Variants in SPTBN2 observed in about 807,000 individuals in gnomAD.
The protein encoded by SPTBN2 is spectrin beta, non-erythrocytic 2.
A neutral mutation model predicts 284.2 loss-of-function variants in SPTBN2; 107 were observed. The ratio of observed to expected loss-of-function variants is 0.38; its 90% CI spans 0.32 to 0.44. SPTBN2 has a LOEUF of 0.44. SPTBN2 is among the 20% of genes least tolerant of loss of function. The probability of loss-of-function intolerance (pLI) is 1.00; values close to 1 mark genes in which losing one functional copy is unlikely to be tolerated. For missense variants in SPTBN2, 2,569 were observed against 3,287.1 expected (o/e 0.78, Z 5.34); for synonymous variants, 1,289 against 1,354.8 (o/e 0.95, Z 1.07).
chr11:66,727,782 G>A (rs1458578370), intron 1 of SPTBN2, among the ~76,000 whole-genome samples: 1 of 151,518 alleles, frequency 6.6e-6, no homozygotes, highest in Non-Finnish European at 1.5e-5. Flanking sequence ...AGAGGCGGCC[G>A]AGCGCGCCCC....
chr11:66,688,460 G>T, intron 31 of SPTBN2, 149 bp from the exon 32 acceptor site: 1 of 1,519,036 alleles, frequency 6.6e-7, no homozygotes, highest in Non-Finnish European at 8.8e-7. Context: ...AAGAAACAAA[G>T]CGGGAGAAGG....
In SPTBN2 at chr11:66,687,784, C is replaced by T. The variant is rs773628721; in HGVS notation, c.6501+84G>A. The T allele has an allele frequency of 1.2e-4, 188 of 1,597,898 alleles. No homozygotes were observed. Among genetic ancestry groups the T allele is most frequent in the Non-Finnish European group, 1.6e-4 (185 of 1,165,604 alleles). On this transcript the variant is annotated intron_variant, in intron 34 of 37. Transcript: ENST00000533211. The surrounding 1 kb of genome is among the most constrained non-coding windows in gnomAD (Gnocchi z 5.2). Reference sequence around the variant, plus strand: ...GCCTCTGCCCTCTCCCATCCCATCCCCAGTACTCCCCCACCCGCACTCACC... The same window carrying T: ...GCCTCTGCCCTCTCCCATCCCATCCTCAGTACTCCCCCACCCGCACTCACC...
rs761529168 is a variant in SPTBN2 at position 66,711,025 on chromosome 11, C to T, written c.777G>A (p.Val259=). ...GLTKLLDPED[V]NVDQPDEKSI... ...ACTTCTCATCTGGCTGGTCCACATT[C>T]ACGTCTGCAAGAGAGGACCATTTGG... Residue 259 remains valine (V), a synonymous_variant, in exon 9 of 38, where the codon GTG becomes GTA. Coordinates refer to ENST00000533211, the MANE Select transcript of SPTBN2 (RefSeq NM_006946.4). 3.1e-6 allele frequency: 5 copies of T among 1,614,088 alleles called. No homozygotes were observed. The highest frequency in any genetic ancestry group is 4.2e-6 in the Non-Finnish European group (5 of 1,179,964).
chr11:66,725,544 CCT>C (rs1942585343), intron 1 of SPTBN2, among the ~76,000 whole-genome samples: 2 of 152,214 alleles, frequency 1.3e-5, no homozygotes, highest in South Asian at 2.1e-4. Flanking sequence ...TTCATGACCC[CCT>C]GTCATGAGGA....
rs1369032582 is a variant in SPTBN2, at chr11:66,684,676, T to C, written c.*1195A>G. Among the ~76,000 whole-genome samples, 1 of 151,822 alleles carries C rather than the reference T, an allele frequency of 6.6e-6. No homozygotes were observed. The highest frequency in any genetic ancestry group is 2.4e-5 in the African/African-American group (1 of 41,320). The stretch of plus-strand genomic sequence containing the variant: ...AAGAATATATATTATCCTCTGTGTG[T>C]ATATTTACATGCTTGGGCTGTAAAG... On this transcript the variant is annotated 3_prime_UTR_variant, in exon 38 of 38. Coordinates refer to ENST00000533211, the MANE Select transcript of SPTBN2 (RefSeq NM_006946.4).
chr11:66,705,575 C>T, intron 14 of SPTBN2, 107 bp from the exon 15 acceptor site: 4 of 1,602,000 alleles, frequency 2.5e-6, no homozygotes, highest in Non-Finnish European at 3.4e-6. Context: ...CAGTCACCAT[C>T]GTTTGGCCAC....
chr11:66,720,472 A>C (rs1942344621), intron 3 of SPTBN2, among the ~76,000 whole-genome samples: 1 of 152,192 alleles, frequency 6.6e-6, no homozygotes, highest in Admixed American at 6.5e-5. Context: ...GTTTCCGCTC[A>C]GAGCGGAGAG....
At chr11:66,728,184 C>T (rs1448812623) in intron 1 of SPTBN2, 1 of 145,052 alleles carries the variant, frequency 6.9e-6, no homozygotes, top group Non-Finnish European at 1.5e-5. Flanking sequence ...CGCGGCCGGG[C>T]GGGCGGGGGC....
rs918414717 is a variant in SPTBN2 at position 66,694,421 on chromosome 11, C to G, written c.4279-58G>C. Reference sequence around the variant, plus strand: ...TCTGCATTTCCGCCTTCATGCCCAGCAGAGACACCAACCAGTCTCTATCCA... The same window carrying G: ...TCTGCATTTCCGCCTTCATGCCCAGGAGAGACACCAACCAGTCTCTATCCA... On this transcript the variant is annotated intron_variant, in intron 21 of 37. Coordinates refer to ENST00000533211, the MANE Select transcript of SPTBN2 (RefSeq NM_006946.4). 9.7e-6 allele frequency: 15 copies of G among 1,546,226 alleles called. No individual in the cohort carries two copies. The South Asian group carries it at 1.7e-4, about 17-fold the overall frequency.
At position 66,710,722 on chromosome 11, in the gene SPTBN2, C is replaced by T. The variant is rs1373474950; in HGVS notation, c.933G>A (p.Glu311=). ...ACTGCAGCAGCTCCGAGGCCAGGGA[C>T]TCGTATTTCTCCACCAGGCGCTCTG... ...MEAERLVEKY[E]SLASELLQWI... The change falls in exon 10 of 38, where the codon GAG becomes GAA. Residue 311 remains glutamate (E), a synonymous_variant. Transcript: ENST00000533211. The surrounding 1 kb of genome is among the most constrained non-coding windows in gnomAD (Gnocchi z 4.9). 10 of 1,614,194 alleles carry T rather than the reference C, an allele frequency of 6.2e-6. No homozygotes were observed. The highest frequency in any genetic ancestry group is 8.5e-6 in the Non-Finnish European group (10 of 1,180,032).
chr11:66,696,900 A>G (rs1940947170), intron 20 of SPTBN2, among the ~76,000 whole-genome samples: 1 of 151,762 alleles, frequency 6.6e-6, no homozygotes, highest in Non-Finnish European at 1.5e-5. Flanking sequence ...ATTACTCTTC[A>G]CTTCAGTGAT....
At position 66,724,232 on chromosome 11, in the gene SPTBN2, C is replaced by T. The variant is rs149076395; in HGVS notation, c.-113-2792G>A. On this transcript the variant is annotated intron_variant, in intron 1 of 37. Coordinates refer to ENST00000533211, the MANE Select transcript of SPTBN2 (RefSeq NM_006946.4). ...GGTCAGGAGTTCGACAGCAGCCTGGCCAACAAGGCGAAACCCCCGTCTCTA... is the reference window on the plus strand; with the variant it reads ...GGTCAGGAGTTCGACAGCAGCCTGGTCAACAAGGCGAAACCCCCGTCTCTA... 4.6e-5 allele frequency among the ~76,000 whole-genome samples: 7 copies of T among 152,258 alleles called. No individual in the cohort carries two copies. In the East Asian group the frequency reaches 1.4e-3, roughly 29 times the overall value.
Position 66,714,416 on chromosome 11 carries a change from G to GAAGC in SPTBN2, c.484-13_484-10dup, listed in dbSNP as rs1465162177. On this transcript the variant is annotated splice_polypyrimidine_tract_variant and intron_variant, in intron 5 of 37. Coordinates refer to ENST00000533211, the MANE Select transcript of SPTBN2 (RefSeq NM_006946.4). Reference sequence around the variant, plus strand: ...ACACTGATGTCTTGGATCTAGGAAGGAAGCAAGCAGGGCCCTCAGTCCCTG... The same window carrying GAAGC: ...ACACTGATGTCTTGGATCTAGGAAGGAAGCAAGCAAGCAGGGCCCTCAGTCCCTG... 1 of 1,612,376 alleles carries GAAGC rather than the reference G, an allele frequency of 6.2e-7. No individual in the cohort carries two copies. The highest frequency in any genetic ancestry group is 1.7e-5 in the Admixed American group (1 of 60,012).
chr11:66,718,148 C>T lies in SPTBN2; in HGVS notation c.158-2167G>A, dbSNP rs1942229630. 6.6e-6 allele frequency among the ~76,000 whole-genome samples: 1 copy of T among 152,230 alleles called. No individual in the cohort carries two copies. The highest frequency in any genetic ancestry group is 6.5e-5 in the Admixed American group (1 of 15,288). ...CAGGTGCTGGCACCCCCACGCCCTC[C>T]ATGGCTAGTTGCCTTTGCTCCATGC... is the stretch of plus-strand genomic sequence containing the variant. On this transcript the variant is annotated intron_variant, in intron 3 of 37. Coordinates refer to ENST00000533211, the MANE Select transcript of SPTBN2 (RefSeq NM_006946.4). The surrounding 1 kb of genome is among the most constrained non-coding windows in gnomAD (Gnocchi z 4.8).
rs1942864385 is a variant in SPTBN2 at position 66,737,790 on chromosome 11, A to G, written c.-475+6752T>C. Among the ~76,000 whole-genome samples, 3 of 152,258 alleles carry G rather than the reference A, an allele frequency of 2.0e-5. No individual in the cohort carries two copies. The South Asian group carries it at 6.2e-4, about 32-fold the overall frequency. On this transcript the variant is annotated intron_variant, in intron 1 of 37. Transcript: ENST00000611817. ...AAACTGGACCAACACTCTACCTTGG[A>G]TACCAGAAAGAGGTTGAGGAAGGAG...
At chr11:66,697,623 A>G (rs1033186409) in intron 20 of SPTBN2, among the ~76,000 whole-genome samples, 5 of 151,878 alleles carry the variant, frequency 3.3e-5, no homozygotes, top group Non-Finnish European at 7.4e-5. Flanking sequence ...TCCAAATTCT[A>G]CTCATCCTCC....
Position 66,715,543 on chromosome 11 carries a change from G to A in SPTBN2, c.310-148C>T. The A allele has an allele frequency of 8.6e-7, 1 of 1,157,036 alleles. No individual in the cohort carries two copies. The highest frequency in any genetic ancestry group is 1.2e-6 in the Non-Finnish European group (1 of 828,026). 71.7% of individuals were successfully genotyped at this position (1,157,036 alleles called of 1,614,324 possible). On this transcript the variant is annotated intron_variant, in intron 4 of 37. Transcript: ENST00000533211. This position sits in a 1 kb window ranked among gnomAD's most constrained non-coding sequence, Gnocchi z 5.3. ...GCCCCAGGGCTGGAGCCAAAGCTGA[G>A]CTTACAGATGAGGCTTGGGCAGATT...
intron 14 of SPTBN2, 44 bp from the exon 15 acceptor site, chr11:66,705,512 C>T (rs748173218): frequency 3.8e-5 from 62 of 1,611,420 alleles, no homozygotes; most frequent in Non-Finnish European, 5.0e-5. Flanking sequence ...ACCCAGCCCT[C>T]CGGCTGCTCC....
chr11:66,687,221 G>A lies in SPTBN2; in HGVS notation c.6723-54C>T, dbSNP rs1258830518. The A allele has an allele frequency of 4.4e-6, 7 of 1,606,612 alleles. No homozygotes were observed. The highest frequency in any genetic ancestry group is 5.9e-6 in the Non-Finnish European group (7 of 1,178,434). ...GCCTCAGTGGCGCCCGCAACCTGGA[G>A]CCCTCTTGGGTGTCCTAGGACTTCC... is the stretch of plus-strand genomic sequence containing the variant. On this transcript the variant is annotated intron_variant, in intron 35 of 37. Transcript: ENST00000533211. The surrounding 1 kb of genome is among the most constrained non-coding windows in gnomAD (Gnocchi z 5.2).
Sources: gnomAD v4.1 joint callset for allele counts (sites outside exome capture counted in the v4.1 genomes callset) on GRCh38, gnomAD v4.1.1 for gene constraint, Gnocchi (gnomAD v3.1) non-coding constraint, MANE v1.5 for transcripts, NCBI Gene and HGNC (gene_info 2026-07-23, HGNC 2026-07-21) for gene names.